PPP2R2D: variants seen among roughly 807,000 people sequenced by gnomAD.
The protein encoded by PPP2R2D is protein phosphatase 2 regulatory subunit Bdelta, also known as serine/threonine-protein phosphatase 2A 55 kDa regulatory subunit B delta isoform.
PPP2R2D carries 9 observed loss-of-function variants against 31.1 expected under a neutral mutation model. The observed-to-expected ratio is 0.29, with a 90% confidence interval of 0.17 to 0.51. The LOEUF (loss-of-function observed/expected upper bound fraction) is 0.51. Among genes scored for constraint, PPP2R2D ranks in the 20% least tolerant of loss-of-function variants. The pLI, the probability that PPP2R2D is intolerant of heterozygous loss-of-function variation, is 0.98. For missense variants in PPP2R2D, 391 were observed against 465.6 expected, an observed-to-expected ratio of 0.84 and a Z score of 1.48; for synonymous variants, 179 against 172.6, an observed-to-expected ratio of 1.04 and a Z score of -0.29.
In PPP2R2D at chr10:131,944,111, T is replaced by C; in HGVS notation, c.621T>C (p.Asn207=). 1 of 1,612,320 alleles carries C rather than the reference T, an allele frequency of 6.2e-7. No homozygotes were observed. The highest frequency in any genetic ancestry group is 8.5e-7 in the Non-Finnish European group (1 of 1,179,030). Residue 207 remains asparagine, a synonymous_variant, in exon 6 of 9, where the codon AAT becomes AAC. Coordinates refer to ENST00000455566, the MANE Select transcript of PPP2R2D (RefSeq NM_018461.5). Reference sequence around the variant, plus strand: ...TTTCTGCAGATGACCTGAGAATTAATTTATGGCACTTAGAAATCACAGATA... The same window carrying C: ...TTTCTGCAGATGACCTGAGAATTAACTTATGGCACTTAGAAATCACAGATA... ...TYLSADDLRI[N]LWHLEITDRS...
intron 2 of PPP2R2D, among the ~76,000 whole-genome samples, chr10:131,918,192 G>A (rs1351014278): frequency 2.0e-5 from 3 of 146,664 alleles, no homozygotes; most frequent in African/African-American, 5.1e-5. Context: ...ATGGCACAGC[G>A]TTTGTAGGGA....
At chr10:131,965,750 G>T in the PPP2R2D span, among the ~76,000 whole-genome samples, 2 of 152,148 alleles carry the variant, frequency 1.3e-5, no homozygotes, top group Non-Finnish European at 2.9e-5. Context: ...CTGGCCGGGG[G>T]CTGTCTTCAA....
At chr10:131,934,411 C>G (rs1554896145) in intron 2 of PPP2R2D, 47 bp from the exon 3 acceptor site, 3 of 738,172 alleles carry the variant, frequency 4.1e-6, no homozygotes, top group Non-Finnish European at 5.0e-6. Flanking sequence ...ATTGTGACTC[C>G]TCCCCAAAAC....
the PPP2R2D span, chr10:131,970,986 T>G: frequency 6.2e-7 from 1 of 1,609,226 alleles, no homozygotes; most frequent in Non-Finnish European, 8.5e-7. This position sits in a 1 kb window ranked among gnomAD's most constrained non-coding sequence, Gnocchi z 4.1. Context: ...ATAAAGTCAA[T>G]GTTAAAGGCA....
chr10:131,940,338 T>C, intron 4 of PPP2R2D, 142 bp downstream of exon 4: 1 of 580,576 alleles, frequency 1.7e-6, no homozygotes, highest in African/African-American at 1.9e-5. Context: ...TAGCAAGTGA[T>C]AGGTTGAAAA....
At chr10:131,942,144 ACCACCTC>A (rs1392874931) in intron 5 of PPP2R2D, among the ~76,000 whole-genome samples, 1 of 152,050 alleles carries the variant, frequency 6.6e-6, no homozygotes, top group Admixed American at 6.6e-5. Flanking sequence ...TGCAGCCAAC[ACCACCTC>A]CCACCCAGTT....
chr10:131,955,843 C>G lies in PPP2R2D; in HGVS notation c.1242C>G (p.Ile414Met). 1 of 1,610,178 alleles carries G rather than the reference C, an allele frequency of 6.2e-7. No individual in the cohort carries two copies. The highest frequency in any genetic ancestry group is 8.5e-7 in the Non-Finnish European group (1 of 1,178,018). ...GGGGTAAGCGGAGGAAAGACGAGAT[C>G]AGTGTGGACAGTCTGGACTTCAACA... Reference protein sequence around the residue: ...CTGGKRRKDEISVDSLDFNKK... With the variant: ...CTGGKRRKDEMSVDSLDFNKK... Residue 414 changes from isoleucine to methionine, a missense_variant, in exon 9 of 9, where the codon ATC becomes ATG. Coordinates refer to ENST00000455566, the MANE Select transcript of PPP2R2D (RefSeq NM_018461.5).
rs1011515504 is a variant in PPP2R2D at position 131,903,181 on chromosome 10, C to A, written c.100+1851C>A. The stretch of plus-strand genomic sequence containing the variant: ...ATAGTATTCTTTCTTTAAAAAAAAT[C>A]TTGGGCCGGGTGTTGTGGCTCATGC... On this transcript the variant is annotated intron_variant, in intron 2 of 8. Transcript: ENST00000455566. 1.6e-3 allele frequency among the ~76,000 whole-genome samples: 247 copies of A among 151,970 alleles called. 2 individuals are homozygous for A. Among genetic ancestry groups the A allele is most frequent in the Non-Finnish European group, 2.7e-3 (182 of 67,986 alleles).
intron 2 of PPP2R2D, among the ~76,000 whole-genome samples, chr10:131,908,233 G>A (rs1405268572): frequency 1.3e-5 from 2 of 151,802 alleles, no homozygotes; most frequent in African/African-American, 4.8e-5. Flanking sequence ...TAATGTTTAC[G>A]TTATTATTCA....
At chr10:131,934,030 T>TACA (rs2036292506) in intron 2 of PPP2R2D, among the ~76,000 whole-genome samples, 1 of 152,206 alleles carries the variant, frequency 6.6e-6, no homozygotes, top group Admixed American at 6.5e-5. Flanking sequence ...TTAACAACAT[T>TACA]TTTATTACTA....
chr10:131,916,155 G>A (rs1470150531), intron 2 of PPP2R2D, among the ~76,000 whole-genome samples: 13 of 152,126 alleles, frequency 8.5e-5, no homozygotes, highest in Admixed American at 3.9e-4. Context: ...CTGGCCACGC[G>A]CCCTGATAAC....
intron 2 of PPP2R2D, among the ~76,000 whole-genome samples, chr10:131,926,602 G>T (rs1554894969): frequency 1.3e-5 from 2 of 152,194 alleles, no homozygotes; most frequent in African/African-American, 4.8e-5. Context: ...CTCACCGCCT[G>T]GCAGCCTCGG....
intron 2 of PPP2R2D, among the ~76,000 whole-genome samples, chr10:131,931,766 C>T (rs2036233107): frequency 6.6e-6 from 1 of 152,208 alleles, no homozygotes; most frequent in Admixed American, 6.5e-5. Flanking sequence ...CTGGCAGCTT[C>T]ACTGTGGTTG....
intron 2 of PPP2R2D, among the ~76,000 whole-genome samples, chr10:131,907,500 G>A (rs2035612579): frequency 6.6e-6 from 1 of 152,126 alleles, no homozygotes; most frequent in Non-Finnish European, 1.5e-5. Flanking sequence ...CAGCACTTTG[G>A]GAGGCCGAGG....
At chr10:131,922,486 A>G (rs2036007974) in intron 2 of PPP2R2D, among the ~76,000 whole-genome samples, 1 of 148,216 alleles carries the variant, frequency 6.7e-6, no homozygotes, top group African/African-American at 2.5e-5. Flanking sequence ...AGAATCTCAC[A>G]CTGTCACCCG....
At chr10:131,941,375 A>G (rs1386645639) in intron 5 of PPP2R2D, among the ~76,000 whole-genome samples, 2 of 152,234 alleles carry the variant, frequency 1.3e-5, no homozygotes, top group Non-Finnish European at 2.9e-5. Context: ...CTTAAATTAG[A>G]TGGAACATGG....
chr10:131,912,856 G>A lies in PPP2R2D; in HGVS notation c.100+11526G>A, dbSNP rs1055170069. 2.6e-4 allele frequency among the ~76,000 whole-genome samples: 39 copies of A among 152,260 alleles called. 1 individual carries two copies. The East Asian group carries it at 6.0e-3, about 23-fold the overall frequency. On this transcript the variant is annotated intron_variant, in intron 2 of 8. Coordinates refer to ENST00000455566, the MANE Select transcript of PPP2R2D (RefSeq NM_018461.5). ...TCTAATGACAGTGCAGGAGAGTCTC[G>A]TCCATCCTTCTGCCCTTCCTGGGTG... is the stretch of plus-strand genomic sequence containing the variant.
At chr10:131,926,403 C>T (rs926314582) in intron 2 of PPP2R2D, among the ~76,000 whole-genome samples, 10 of 152,092 alleles carry the variant, frequency 6.6e-5, no homozygotes, top group African/African-American at 1.9e-4. Flanking sequence ...TCCAGCTGAG[C>T]GCAGTGGCTC....
chr10:131,922,115 T>G (rs1450001427), intron 2 of PPP2R2D, among the ~76,000 whole-genome samples: 1 of 152,200 alleles, frequency 6.6e-6, no homozygotes, highest in South Asian at 2.1e-4. Context: ...TTCTGAAGTC[T>G]TCTGAAATTT....
Sources: allele counts gnomAD v4.1 joint callset (sites outside exome capture counted in the v4.1 genomes callset), GRCh38; gene constraint gnomAD v4.1.1; non-coding constraint Gnocchi (gnomAD v3.1); transcripts MANE v1.5; gene names NCBI Gene and HGNC (gene_info 2026-07-23, HGNC 2026-07-21).